The following TNNI3K variants were observed in gnomAD, a reference collection of about 807,000 sequenced individuals.
The protein encoded by TNNI3K is TNNI3 interacting kinase.
Under a neutral mutation model 114.5 loss-of-function variants are expected in TNNI3K, and 140 were observed. The observed-to-expected ratio is 1.22, with a 90% confidence interval of 1.07 to 1.41. The LOEUF is 1.41. Among genes scored for constraint, TNNI3K ranks in the 40% most tolerant of loss-of-function variants. TNNI3K has a pLI of 0.00. For synonymous variants in TNNI3K, 347 were observed against 347.5 expected (o/e 1.00, Z 0.02); for missense variants, 1,125 against 1,007.6 (o/e 1.12, Z -1.58).
chr1:74,379,732 A>G (rs1017560203), intron 17 of TNNI3K, among the ~76,000 whole-genome samples: 3 of 152,106 alleles, frequency 2.0e-5, no homozygotes, highest in Non-Finnish European at 4.4e-5. Context: ...CATAGTTTCC[A>G]GAGGGCCAAC....
At position 74,335,459 on chromosome 1, in the gene TNNI3K, A is replaced by G. The variant is rs560776045; in HGVS notation, c.544-552A>G. Among the ~76,000 whole-genome samples, 8 of 152,002 alleles carry G rather than the reference A, an allele frequency of 5.3e-5. No homozygotes were observed. In the East Asian group the frequency reaches 1.4e-3, roughly 26 times the overall value. On this transcript the variant is annotated intron_variant, in intron 6 of 24. Coordinates refer to ENST00000326637, the MANE Select transcript of TNNI3K (RefSeq NM_015978.3). ...TTTTTTTCTTCCTTGCTGACTCCTT[A>G]TTTTATTTCACTGTTCAACCTCTCT...
At chr1:74,514,798 C>T (rs1010370771) in intron 23 of TNNI3K, among the ~76,000 whole-genome samples, 27 of 152,092 alleles carry the variant, frequency 1.8e-4, no homozygotes, top group African/African-American at 6.5e-4. Context: ...ATTGTATCCC[C>T]CAAAAAGATA....
At chr1:74,337,100 GTGA>G (rs1301786685) in intron 7 of TNNI3K, among the ~76,000 whole-genome samples, 2 of 151,652 alleles carry the variant, frequency 1.3e-5, no homozygotes, top group Non-Finnish European at 2.9e-5. Flanking sequence ...CTGATGGCCA[GTGA>G]TGATGAGCAT....
intron 7 of TNNI3K, among the ~76,000 whole-genome samples, chr1:74,340,127 C>T (rs1660678202): frequency 1.3e-5 from 2 of 151,996 alleles, no homozygotes. Context: ...GCTGACATTG[C>T]TTGGTCAATC....
At chr1:74,285,130 A>G (rs1328189253) in intron 5 of TNNI3K, among the ~76,000 whole-genome samples, 1 of 152,178 alleles carries the variant, frequency 6.6e-6, no homozygotes, top group Non-Finnish European at 1.5e-5. Flanking sequence ...CTACAATAGT[A>G]CCTTGACTTA....
At chr1:74,504,977 T>C (rs957432072) in intron 23 of TNNI3K, among the ~76,000 whole-genome samples, 1 of 152,160 alleles carries the variant, frequency 6.6e-6, no homozygotes, top group Non-Finnish European at 1.5e-5. Flanking sequence ...TGGTGACAGA[T>C]TTCTCAGTTT....
At chr1:74,455,320 GA>G (rs1230338993) in intron 20 of TNNI3K, among the ~76,000 whole-genome samples, 1 of 152,134 alleles carries the variant, frequency 6.6e-6, no homozygotes, top group East Asian at 1.9e-4. Flanking sequence ...TGATCCAGCA[GA>G]AAGCTGTATC....
Position 74,369,027 on chromosome 1 carries a change from G to T in TNNI3K, c.1327G>T (p.Ala443Ser), listed in dbSNP as rs764651286. 5.0e-6 allele frequency: 8 copies of T among 1,600,150 alleles called. No individual in the cohort carries two copies. The highest frequency in any genetic ancestry group is 6.8e-6 in the Non-Finnish European group (8 of 1,175,036). ...GKIKSMTKEKADILLLRAGLP... is the reference protein window; with the variant it reads ...GKIKSMTKEKSDILLLRAGLP... ...ATGACAATTTCTCTTTGCAGAGAAG[G>T]CAGATATTCTCCTCCTAAGAGCTGG... Residue 443 changes from alanine (A) to serine (S), a missense_variant, in exon 14 of 25, where the codon GCA becomes TCA. Transcript: ENST00000326637.
chr1:74,360,007 CA>C (rs1235948857), intron 11 of TNNI3K, among the ~76,000 whole-genome samples: 1 of 151,980 alleles, frequency 6.6e-6, no homozygotes, highest in Non-Finnish European at 1.5e-5. Flanking sequence ...TTTTCCTCCT[CA>C]ACTTCTCCTC....
chr1:74,540,128 C>G (rs1180020962), intron 23 of TNNI3K, 106 bp from the exon 24 acceptor site: 4 of 1,203,706 alleles, frequency 3.3e-6, no homozygotes, highest in Non-Finnish European at 4.6e-6. Context: ...CTTTGTATCA[C>G]TTTGCCATTT....
chr1:74,357,924 T>C (rs941822363), intron 11 of TNNI3K, among the ~76,000 whole-genome samples: 15 of 152,134 alleles, frequency 9.9e-5, no homozygotes, highest in Admixed American at 3.3e-4. Flanking sequence ...AGCAGCCTGC[T>C]TATGTTCAAA....
chr1:74,295,414 C>A lies in TNNI3K; in HGVS notation c.444+23706C>A, dbSNP rs1039641691. Among the ~76,000 whole-genome samples, 5 of 152,058 alleles carry A rather than the reference C, an allele frequency of 3.3e-5. No homozygotes were observed. In the East Asian group the frequency reaches 9.6e-4, roughly 29 times the overall value. Reference sequence around the variant, plus strand: ...AATTGTCTGTATACTTACTGTTTTACGCATTTGTTCTATCAGTTAATAAAA... The same window carrying A: ...AATTGTCTGTATACTTACTGTTTTAAGCATTTGTTCTATCAGTTAATAAAA... On this transcript the variant is annotated intron_variant, in intron 5 of 24. Transcript: ENST00000326637.
chr1:74,264,642 C>T (rs919036952), intron 4 of TNNI3K, among the ~76,000 whole-genome samples: 2 of 151,872 alleles, frequency 1.3e-5, no homozygotes, highest in African/African-American at 4.8e-5. Flanking sequence ...AGTTCAGCTC[C>T]TTCTTGGAGT....
At chr1:74,288,189 A>G (rs1449422920) in intron 5 of TNNI3K, among the ~76,000 whole-genome samples, 2 of 152,148 alleles carry the variant, frequency 1.3e-5, no homozygotes, top group African/African-American at 2.4e-5. Context: ...CTACCATGTG[A>G]TCCAACAACC....
chr1:74,532,606 C>T (rs981466936), intron 23 of TNNI3K, among the ~76,000 whole-genome samples: 2 of 151,880 alleles, frequency 1.3e-5, no homozygotes, highest in African/African-American at 4.8e-5. Context: ...GGTATATCTC[C>T]TAATGCTATC....
chr1:74,436,721 G>T lies in TNNI3K; in HGVS notation c.1878+195G>T, dbSNP rs45506191. ...AAGGCTCTACTAGAGAAATAGATAA[G>T]ATATATATTTGGAAAACAGTATGGA... is the stretch of plus-strand genomic sequence containing the variant. On this transcript the variant is annotated intron_variant, in intron 19 of 24. Transcript: ENST00000326637. 0.021 allele frequency among the ~76,000 whole-genome samples: 3,223 copies of T among 152,018 alleles called. 101 individuals are homozygous for T. Among genetic ancestry groups the T allele is most frequent in the African/African-American group, 0.074 (3,060 of 41,486 alleles).
intron 5 of TNNI3K, among the ~76,000 whole-genome samples, chr1:74,276,868 A>C (rs758559234): frequency 1.3e-5 from 2 of 152,146 alleles, no homozygotes; most frequent in Admixed American, 1.3e-4. Flanking sequence ...TGTGCTGCAG[A>C]TTCCTAGACA....
intron 23 of TNNI3K, among the ~76,000 whole-genome samples, chr1:74,509,451 A>C (rs1670067532): frequency 6.6e-6 from 1 of 152,180 alleles, no homozygotes; most frequent in African/African-American, 2.4e-5. Flanking sequence ...AGAACTAACA[A>C]ATCTAAATTT....
intron 5 of TNNI3K, among the ~76,000 whole-genome samples, chr1:74,302,997 A>G (rs1658418118): frequency 6.6e-6 from 1 of 152,206 alleles, no homozygotes; most frequent in South Asian, 2.1e-4. Context: ...TCAAAGCTTC[A>G]GAGGACAGGC....
Sources: allele counts gnomAD v4.1 joint callset (sites outside exome capture counted in the v4.1 genomes callset), GRCh38; gene constraint gnomAD v4.1.1; transcripts MANE v1.5; gene names NCBI Gene and HGNC (gene_info 2026-07-23, HGNC 2026-07-21).